NRDC: variants seen among roughly 807,000 people sequenced by gnomAD.
NRDC encodes the protein nardilysin convertase, also known as nardilysin.
NRDC carries 54 observed loss-of-function variants against 147.1 expected under a neutral mutation model. The observed-to-expected ratio is 0.37, with a 90% CI of 0.29 to 0.46. The LOEUF (loss-of-function observed/expected upper bound fraction) is 0.46, where lower values mean the gene tolerates loss of function less well. Among genes scored for constraint, NRDC ranks in the 20% least tolerant of loss-of-function variants. The pLI is 1.00. For synonymous variants in NRDC, 440 were observed against 482.1 expected (o/e 0.91, Z 1.14); for missense variants, 1,082 against 1,370.6 (o/e 0.79, Z 3.33).
intron 21 of NRDC, 136 bp from the exon 22 acceptor site, chr1:51,798,547 G>A: frequency 1.2e-5 from 8 of 691,974 alleles, no homozygotes; most frequent in South Asian, 7.4e-5. Context: ...ATGTAAGATG[G>A]GAAAACAGTA....
At chr1:51,833,955 C>CT in intron 4 of NRDC, 62 bp downstream of exon 4, 1 of 1,415,106 alleles carries the variant, frequency 7.1e-7, no homozygotes, top group East Asian at 2.3e-5. Context: ...CAAGAACACT[C>CT]TATTTACATT....
Position 51,836,139 on chromosome 1 carries a change from A to G in NRDC, c.704T>C (p.Leu235Ser), listed in dbSNP as rs1192336334. Reference sequence around the variant, plus strand: ...ATTTTACAAATTCTTACTGTGCTCCAAAAAGTGTGCCAGCCCCGGCAGGTC... The same window carrying G: ...ATTTTACAAATTCTTACTGTGCTCCGAAAAGTGTGCCAGCCCCGGCAGGTC... Reference protein sequence around the residue: ...PDDLPGLAHFLEHMVFMGSLK... With the variant: ...PDDLPGLAHFSEHMVFMGSLK... Residue 235 changes from leucine (L) to serine (S), a missense_variant, in exon 3 of 31, where the codon TTG becomes TCG. This residue lies in a region of NRDC where 635 missense variants were observed against 923.8 expected (regional missense o/e 0.69). Coordinates refer to ENST00000352171, the MANE Select transcript of NRDC (RefSeq NM_001101662.2). The G allele has an allele frequency of 3.1e-6, 5 of 1,613,684 alleles. No individual in the cohort carries two copies. Among genetic ancestry groups the G allele is most frequent in the African/African-American group, 1.3e-5 (1 of 74,898 alleles).
intron 10 of NRDC, 112 bp from the exon 11 acceptor site, chr1:51,816,501 CAT>C: frequency 2.1e-6 from 1 of 465,978 alleles, no homozygotes; most frequent in Non-Finnish European, 3.9e-6. Flanking sequence ...CTTATTCTCA[CAT>C]ATGTCCACTA....
chr1:51,812,875 T>C (rs1413999523), intron 14 of NRDC, among the ~76,000 whole-genome samples: 1 of 143,128 alleles, frequency 7.0e-6, no homozygotes, highest in Non-Finnish European at 1.5e-5. Flanking sequence ...GGCAGGAGAA[T>C]AGCTTGAACC....
At chr1:51,822,713 G>A (rs970786675) in intron 7 of NRDC, among the ~76,000 whole-genome samples, 1 of 152,122 alleles carries the variant, frequency 6.6e-6, no homozygotes, top group African/African-American at 2.4e-5. Flanking sequence ...AATTAACTTG[G>A]GGAATACCAA....
chr1:51,790,820 TG>T, intron 28 of NRDC, 79 bp downstream of exon 28: 1 of 1,223,220 alleles, frequency 8.2e-7, no homozygotes, highest in Non-Finnish European at 1.2e-6. Flanking sequence ...GCTCAAAAAC[TG>T]GCCGGCGAAG....
At chr1:51,827,547 T>G (rs945918659) in intron 5 of NRDC, among the ~76,000 whole-genome samples, 1 of 152,172 alleles carries the variant, frequency 6.6e-6, no homozygotes, top group Non-Finnish European at 1.5e-5. Context: ...TCTCAAAAGA[T>G]TAGCCCCTAT....
At position 51,790,908 on chromosome 1, in the gene NRDC, T is replaced by C. The variant is rs1571832644; in HGVS notation, c.3043A>G (p.Asn1015Asp). The part of the protein sequence containing the change: ...KIENLTEEAF[N>D]TQVTALIKLK... ...CAGGCTGGCACAGTCACCTGGGTGTTGAATGCCTCTTCAGTGAGGTTCTCA... is the reference window on the plus strand; with the variant it reads ...CAGGCTGGCACAGTCACCTGGGTGTCGAATGCCTCTTCAGTGAGGTTCTCA... Residue 1015 changes from asparagine (N) to aspartate (D), a missense_variant, in exon 28 of 31, where the codon AAC becomes GAC. This residue lies in a region of NRDC where 187 missense variants were observed against 193.6 expected (regional missense o/e 0.97). Transcript: ENST00000352171. 1.2e-6 allele frequency: 2 copies of C among 1,613,298 alleles called. No homozygotes were observed. The highest frequency in any genetic ancestry group is 1.7e-6 in the Non-Finnish European group (2 of 1,179,394).
chr1:51,840,149 C>A (rs980099146), intron 2 of NRDC, 77 bp downstream of exon 2: 49 of 1,149,332 alleles, frequency 4.3e-5, no homozygotes, highest in Non-Finnish European at 6.0e-5. Context: ...TTCCTTTTTG[C>A]CATTAAAAAA....
At chr1:51,849,596 C>A (rs1299815330) in intron 1 of NRDC, among the ~76,000 whole-genome samples, 1 of 151,956 alleles carries the variant, frequency 6.6e-6, no homozygotes, top group South Asian at 2.1e-4. Context: ...GTGGATGGAT[C>A]ACGAGGTCAG....
chr1:51,874,558 G>C (rs1018228264), intron 1 of NRDC, among the ~76,000 whole-genome samples: 1 of 152,082 alleles, frequency 6.6e-6, no homozygotes, highest in African/African-American at 2.4e-5. Flanking sequence ...GCAGTGAGCC[G>C]TGATGGCGCC....
intron 2 of NRDC, chr1:51,837,602 A>G (rs375868214): frequency 1.1e-4 from 169 of 1,549,266 alleles, no homozygotes; most frequent in Middle Eastern, 3.4e-4. Flanking sequence ...GACCACAGCA[A>G]AAACAGGCTC....
At chr1:51,803,790 G>T in intron 20 of NRDC, 24 bp downstream of exon 20, 1 of 1,595,620 alleles carries the variant, frequency 6.3e-7, no homozygotes, top group Non-Finnish European at 8.6e-7. Flanking sequence ...CTCTCTATAA[G>T]GAAAACAGAG....
intron 5 of NRDC, 118 bp from the exon 6 acceptor site, chr1:51,825,500 G>GT: frequency 1.3e-6 from 1 of 769,974 alleles, no homozygotes; most frequent in Non-Finnish European, 2.1e-6. Context: ...CATGAATCAC[G>GT]TGTTATAAGA....
At chr1:51,865,278 G>T (rs984791533) in intron 1 of NRDC, among the ~76,000 whole-genome samples, 2 of 151,358 alleles carry the variant, frequency 1.3e-5, no homozygotes, top group African/African-American at 4.8e-5. Flanking sequence ...TAGTAATAAG[G>T]GGAAATACAA....
rs775452034 is a variant in NRDC, at chr1:51,798,414, G to A, written c.2442-3C>T. ...CCAAGATTAAAAGCCGTACATCTCT[G>A]TACAGAGGGCAGAAAAAAAACACTC... On this transcript the variant is annotated splice_polypyrimidine_tract_variant and splice_region_variant and intron_variant, in intron 21 of 30. Coordinates refer to ENST00000352171, the MANE Select transcript of NRDC (RefSeq NM_001101662.2). 15 of 1,591,138 alleles carry A rather than the reference G, an allele frequency of 9.4e-6. No individual in the cohort carries two copies. In the Admixed American group the frequency reaches 2.1e-4, roughly 22 times the overall value.
chr1:51,827,829 CATCTCT>C lies in NRDC; in HGVS notation c.901_906del (p.Arg301_Asp302del). On this transcript the variant is annotated inframe_deletion, in exon 5 of 31. Coordinates refer to ENST00000352171, the MANE Select transcript of NRDC (RefSeq NM_001101662.2). The stretch of plus-strand genomic sequence containing the variant: ...ACAGCTTCAACTTCACGGTCAATTG[CATCTCT>C]GATCATTAGTGGGTGGATGAAGAAC... The C allele has an allele frequency of 1.2e-6, 2 of 1,613,930 alleles. No individual in the cohort carries two copies. The highest frequency in any genetic ancestry group is 1.7e-6 in the Non-Finnish European group (2 of 1,179,886).
chr1:51,795,135 T>A (rs1429538836), intron 22 of NRDC: 2 of 1,397,006 alleles, frequency 1.4e-6, no homozygotes, highest in Admixed American at 4.3e-5. Flanking sequence ...TCAGTGTTGG[T>A]TTACCCAACT....
At position 51,828,466 on chromosome 1, in the gene NRDC, T is replaced by C. The variant is rs187047888; in HGVS notation, c.867-597A>G. Among the ~76,000 whole-genome samples the C allele has an allele frequency of 1.9e-3, 292 of 152,258 alleles. 3 individuals carry two copies. Among genetic ancestry groups the C allele is most frequent in the Middle Eastern group, 3.4e-3 (1 of 294 alleles). The stretch of plus-strand genomic sequence containing the variant: ...AAGTTTACAGATGACTAAAAACGTT[T>C]CAGTTAAAAGTTAAATTAGAATTTT... On this transcript the variant is annotated intron_variant, in intron 4 of 30. Coordinates refer to ENST00000352171, the MANE Select transcript of NRDC (RefSeq NM_001101662.2).
Sources: gnomAD v4.1 joint callset for allele counts (sites outside exome capture counted in the v4.1 genomes callset) on GRCh38, gnomAD v4.1.1 for gene constraint, gnomAD v4.1.1 regional missense constraint, MANE v1.5 for transcripts, NCBI Gene and HGNC (gene_info 2026-07-23, HGNC 2026-07-21) for gene names.